LRP1B: variants seen among roughly 807,000 people sequenced by gnomAD.
The protein encoded by LRP1B is LDL receptor related protein 1B.
Under a neutral mutation model 556.6 loss-of-function variants are expected in LRP1B, and 217 were observed. The ratio of observed to expected loss-of-function variants is 0.39; its 90% CI spans 0.35 to 0.44. LRP1B has a LOEUF of 0.44. Ranked by LOEUF, LRP1B falls within the 20% of genes least tolerant of loss-of-function variation. The pLI is 1.00. For synonymous variants in LRP1B, 2,047 were observed against 1,865.8 expected (o/e 1.10, Z -2.50); for missense variants, 5,053 against 5,620.8 (o/e 0.90, Z 3.23).
At chr2:141,476,308 T>G (rs1295327782) in intron 3 of LRP1B, among the ~76,000 whole-genome samples, 1 of 152,242 alleles carries the variant, frequency 6.6e-6, no homozygotes, top group Non-Finnish European at 1.5e-5. Context: ...CCATCTTGTT[T>G]CTATTTGTCA....
intron 2 of LRP1B, among the ~76,000 whole-genome samples, chr2:141,710,219 A>AC (rs200117802): frequency 0.021 from 3,117 of 151,728 alleles, 103 homozygotes; most frequent in African/African-American, 0.071. Flanking sequence ...TACTATCACA[A>AC]CCCTCCTTTA....
intron 84 of LRP1B, 146 bp from the exon 85 acceptor site, chr2:140,274,744 G>T (rs369784722): frequency 1.1e-5 from 7 of 640,570 alleles, no homozygotes; most frequent in East Asian, 8.4e-5. Flanking sequence ...ACATGAAGTA[G>T]AATTCTTTAA....
intron 3 of LRP1B, among the ~76,000 whole-genome samples, chr2:141,412,064 C>A (rs1419925032): frequency 6.6e-6 from 1 of 151,936 alleles, no homozygotes; most frequent in Non-Finnish European, 1.5e-5. Flanking sequence ...AATTAACAGC[C>A]CCAAATCACC....
intron 2 of LRP1B, among the ~76,000 whole-genome samples, chr2:141,738,031 C>T (rs751585466): frequency 6.6e-6 from 1 of 151,882 alleles, no homozygotes; most frequent in Admixed American, 6.6e-5. Context: ...TCCTCTCTTG[C>T]TGAGCCACAT....
rs1488352866 is a variant in LRP1B at position 141,003,510 on chromosome 2, T to A, written c.2503+1825A>T. Among the ~76,000 whole-genome samples, 4 of 152,054 alleles carry A rather than the reference T, an allele frequency of 2.6e-5. No homozygotes were observed. The East Asian group carries it at 7.8e-4, about 29-fold the overall frequency. ...GTAACTGAATTATGGGGACAAGTCT[T>A]TCTCATGTTGTTCTCATGATAATGA... On this transcript the variant is annotated intron_variant, in intron 15 of 90. Transcript: ENST00000389484.
At chr2:141,338,909 T>C (rs1293076726) in intron 3 of LRP1B, among the ~76,000 whole-genome samples, 1 of 152,120 alleles carries the variant, frequency 6.6e-6, no homozygotes, top group Non-Finnish European at 1.5e-5. Flanking sequence ...TTGTTCTTGT[T>C]TCTATATCCA....
chr2:141,114,382 G>A (rs930457303), intron 7 of LRP1B, among the ~76,000 whole-genome samples: 2 of 152,198 alleles, frequency 1.3e-5, no homozygotes, highest in African/African-American at 2.4e-5. Flanking sequence ...CTCAGACTTA[G>A]ATGATGAATT....
chr2:140,506,891 G>A lies in LRP1B; in HGVS notation c.8426C>T (p.Ala2809Val), dbSNP rs931695882. 6.2e-7 allele frequency: 1 copy of A among 1,613,820 alleles called. No homozygotes were observed. The highest frequency in any genetic ancestry group is 1.3e-5 in the African/African-American group (1 of 75,020). Reference sequence around the variant, plus strand: ...GCATACTTTATTATGGCACATGAAAGCATTTTCATCACATGTATTATTGGG... The same window carrying A: ...GCATACTTTATTATGGCACATGAAAACATTTTCATCACATGTATTATTGGG... ...CAPNNTCDENAFMCHNKVCIP... is the reference protein window; with the variant it reads ...CAPNNTCDENVFMCHNKVCIP... The change falls in exon 53 of 91, where the codon GCT becomes GTT. Residue 2809 changes from alanine (A) to valine (V), a missense_variant. By Grantham distance (64) the Ala-to-Val change is moderately conservative (BLOSUM62 0). Around this residue, in one of 5 missense-constraint regions of LRP1B, gnomAD observed 3,619 missense variants for 3,931.9 expected, o/e 0.92. Coordinates refer to ENST00000389484, the MANE Select transcript of LRP1B (RefSeq NM_018557.3).
chr2:141,196,236 C>CA (rs1681745081), intron 6 of LRP1B, among the ~76,000 whole-genome samples: 1 of 151,764 alleles, frequency 6.6e-6, no homozygotes, highest in South Asian at 2.1e-4. Flanking sequence ...TAGCAGTGTC[C>CA]ACTCCACTCC....
At position 140,516,914 on chromosome 2, in the gene LRP1B, C is replaced by A. The variant is rs768471017; in HGVS notation, c.8124G>T (p.Glu2708Asp). ...CACAGTGGAATTCATCACGTCCATCCTCACAATCTTTCTGACCATCGCATA... is the reference window on the plus strand; with the variant it reads ...CACAGTGGAATTCATCACGTCCATCATCACAATCTTTCTGACCATCGCATA... Reference protein sequence around the residue: ...TWICDGQKDCEDGRDEFHCDS... With the variant: ...TWICDGQKDCDDGRDEFHCDS... Residue 2708 changes from glutamate to aspartate, a missense_variant, in exon 50 of 91, where the codon GAG (glutamate) becomes GAT (aspartate). Transcript: ENST00000389484. 1 of 1,613,424 alleles carries A rather than the reference C, an allele frequency of 6.2e-7. No homozygotes were observed. Among genetic ancestry groups the A allele is most frequent in the South Asian group, 1.1e-5 (1 of 91,052 alleles).
At chr2:140,702,641 G>A (rs1686691657) in intron 37 of LRP1B, 88 bp from the exon 38 acceptor site, 3 of 1,184,558 alleles carry the variant, frequency 2.5e-6, no homozygotes, top group Non-Finnish European at 2.5e-6. Flanking sequence ...AATAACAGCA[G>A]TAGCATTCAC....
At chr2:140,695,977 A>T (rs1476875388) in intron 41 of LRP1B, among the ~76,000 whole-genome samples, 1 of 152,202 alleles carries the variant, frequency 6.6e-6, no homozygotes, top group Non-Finnish European at 1.5e-5. Context: ...ATATTCAGCT[A>T]TATGAAGGAT....
Position 141,903,806 on chromosome 2 carries a change from G to A in LRP1B, c.83-93405C>T, listed in dbSNP as rs79839780. Among the ~76,000 whole-genome samples, 184 of 152,032 alleles carry A rather than the reference G, an allele frequency of 1.2e-3. 2 individuals carry two copies. In the East Asian group the frequency reaches 0.035, roughly 29 times the overall value. On this transcript the variant is annotated intron_variant, in intron 1 of 90. Coordinates refer to ENST00000389484, the MANE Select transcript of LRP1B (RefSeq NM_018557.3). ...TGATAACAAATAACTTTACTAAACA[G>A]TATTATAAAGAAACAAGTAATGTGG... is the stretch of plus-strand genomic sequence containing the variant.
chr2:140,872,360 A>ATTTTTTTTTT (rs59469282), intron 25 of LRP1B, among the ~76,000 whole-genome samples: 1,069 of 60,438 alleles, frequency 0.018, 93 homozygotes, highest in Non-Finnish European at 0.024. Context: ...GTGTCACCTG[A>ATTTTTTTTTT]TTTTTTTTTT....
intron 68 of LRP1B, 67 bp downstream of exon 68, chr2:140,378,113 G>T: frequency 9.3e-7 from 1 of 1,079,552 alleles, no homozygotes; most frequent in Non-Finnish European, 1.4e-6. Context: ...TTATTGGACT[G>T]AATAATAATA....
At position 140,536,708 on chromosome 2, in the gene LRP1B, A is replaced by G. The variant is rs2105004183; in HGVS notation, c.7515T>C (p.Thr2505=). The change falls in exon 46 of 91, where the codon ACT becomes ACC. Residue 2505 remains threonine (T), a splice_region_variant and synonymous_variant. Transcript: ENST00000389484. ...AATAAGCGTTGCAGGAGGAATTTTT[A>G]GCTGCAAGAAAAAAAAAAAAAGTCA... The part of the protein sequence containing the change: ...RILLEDNRCV[T]KNSSCNAYSE... 6.3e-7 allele frequency: 1 copy of G among 1,585,000 alleles called. No homozygotes were observed. The highest frequency in any genetic ancestry group is 8.5e-7 in the Non-Finnish European group (1 of 1,169,852).
In LRP1B at chr2:140,247,142, C is replaced by G; in HGVS notation, c.13268G>C (p.Gly4423Ala). 1 of 1,608,802 alleles carries G rather than the reference C, an allele frequency of 6.2e-7. No homozygotes were observed. Among genetic ancestry groups the G allele is most frequent in the East Asian group, 2.2e-5 (1 of 44,622 alleles). The change falls in exon 87 of 91, where the codon GGC becomes GCC. Residue 4423 changes from glycine (G) to alanine (A), a missense_variant. Gly to Ala is a moderately conservative substitution (Grantham distance 60, BLOSUM62 0). Around this residue, in one of 5 missense-constraint regions of LRP1B, gnomAD observed 551 missense variants for 592.0 expected, o/e 0.93. Transcript: ENST00000389484. ...TGGGGCTGGCCTTTCACACTGTGTG[C>G]CTGACCAGTTGGTGGAGCATCTAAA... Reference protein sequence around the residue: ...PVCLCSTNWSGTQCERPAPKS... With the variant: ...PVCLCSTNWSATQCERPAPKS...
chr2:141,465,621 C>A (rs1325737847), intron 3 of LRP1B, among the ~76,000 whole-genome samples: 7 of 150,236 alleles, frequency 4.7e-5, no homozygotes, highest in Non-Finnish European at 7.4e-5. Flanking sequence ...ACAATCTGGG[C>A]TCACTGCAAC....
intron 2 of LRP1B, among the ~76,000 whole-genome samples, chr2:141,507,908 A>T (rs891709272): frequency 6.6e-6 from 1 of 151,850 alleles, no homozygotes; most frequent in African/African-American, 2.4e-5. Context: ...CAATATGGTG[A>T]AACCCCATCT....
Sources: gnomAD v4.1 joint callset for allele counts (sites outside exome capture counted in the v4.1 genomes callset) on GRCh38, gnomAD v4.1.1 for gene constraint, gnomAD v4.1.1 regional missense constraint, MANE v1.5 for transcripts, NCBI Gene and HGNC (gene_info 2026-07-23, HGNC 2026-07-21) for gene names.